The following KCND3 variants were observed in gnomAD, a reference collection of about 807,000 sequenced individuals.
The protein encoded by KCND3 is potassium voltage-gated channel subfamily D member 3.
A neutral mutation model predicts 51.1 loss-of-function variants in KCND3; 9 were observed. The observed-to-expected ratio is 0.18, with a 90% CI of 0.11 to 0.31. The LOEUF (loss-of-function observed/expected upper bound fraction) is 0.31. KCND3 is among the 10% of genes least tolerant of loss of function. The pLI is 1.00. For synonymous variants in KCND3, 349 were observed against 368.0 expected (o/e 0.95, Z 0.59); for missense variants, 526 against 903.8 (o/e 0.58, Z 5.36).
intron 2 of KCND3, among the ~76,000 whole-genome samples, chr1:111,925,079 G>T (rs1042533797): frequency 6.6e-6 from 1 of 152,182 alleles, no homozygotes; most frequent in East Asian, 1.9e-4. Context: ...GACCTCTGTG[G>T]TCAGCTGACT....
chr1:111,910,812 C>G (rs756554333), intron 2 of KCND3: 2 of 152,128 alleles, frequency 1.3e-5, no homozygotes, highest in African/African-American at 4.8e-5. Flanking sequence ...GGTCATTTAC[C>G]CAGGCCGAGC....
Position 111,775,818 on chromosome 1 carries a change from G to GCCCCCCCC in KCND3, c.*258_*259insGGGGGGGG. 2.0e-5 allele frequency: 2 copies of GCCCCCCCC among 99,728 alleles called. No individual in the cohort carries two copies. Among genetic ancestry groups the GCCCCCCCC allele is most frequent in the South Asian group, 1.2e-4 (1 of 8,076 alleles). 6.2% of individuals were successfully genotyped at this position (99,728 alleles called of 1,614,324 possible). On this transcript the variant is annotated 3_prime_UTR_variant, in exon 8 of 8. Coordinates refer to ENST00000302127, the MANE Select transcript of KCND3 (RefSeq NM_001378969.1). ...AGCCTATATCCCCCGGCCTATCCCC[G>GCCCCCCCC]ACCCCCCCACCCTCCCTCCCTTCCT...
chr1:111,950,515 C>T (rs1673009480), intron 2 of KCND3, among the ~76,000 whole-genome samples: 1 of 152,212 alleles, frequency 6.6e-6, no homozygotes, highest in African/African-American at 2.4e-5. Flanking sequence ...CCAGCAGGTG[C>T]TATAAAAATT....
chr1:111,973,703 G>T (rs923962391), intron 2 of KCND3, among the ~76,000 whole-genome samples: 1 of 152,258 alleles, frequency 6.6e-6, no homozygotes, highest in Non-Finnish European at 1.5e-5. Flanking sequence ...GTGTCAGGGA[G>T]CTGAATCCCA....
At chr1:111,801,024 C>T (rs138457793) in intron 2 of KCND3, among the ~76,000 whole-genome samples, 1 of 152,194 alleles carries the variant, frequency 6.6e-6, no homozygotes, top group African/African-American at 2.4e-5. Context: ...GTCCCTCAGG[C>T]CTGTACCCTG....
chr1:111,858,880 G>GCCTCA (rs1398514753), intron 2 of KCND3, among the ~76,000 whole-genome samples: 1 of 152,224 alleles, frequency 6.6e-6, no homozygotes, highest in Non-Finnish European at 1.5e-5. Flanking sequence ...GGACACTCCT[G>GCCTCA]CCTCAGGGCC....
intron 2 of KCND3, among the ~76,000 whole-genome samples, chr1:111,875,488 A>G: frequency 6.6e-6 from 1 of 152,216 alleles, no homozygotes; most frequent in East Asian, 1.9e-4. Context: ...ATTTCTATAC[A>G]AACCAAAGAG....
At chr1:111,909,595 G>C (rs968550447) in intron 2 of KCND3, 2 of 152,154 alleles carry the variant, frequency 1.3e-5, no homozygotes, top group African/African-American at 4.8e-5. Flanking sequence ...TGCCGAGAAG[G>C]GCCAAAGATT....
intron 2 of KCND3, among the ~76,000 whole-genome samples, chr1:111,945,830 C>T (rs1202798340): frequency 6.6e-6 from 1 of 152,222 alleles, no homozygotes; most frequent in Non-Finnish European, 1.5e-5. Context: ...TTAGGGTCCT[C>T]TGAGGTCTTG....
At chr1:111,929,684 C>T (rs1322296961) in intron 2 of KCND3, among the ~76,000 whole-genome samples, 1 of 152,206 alleles carries the variant, frequency 6.6e-6, no homozygotes, top group African/African-American at 2.4e-5. Context: ...GACTGCCTCT[C>T]CCATCCTGCT....
At chr1:111,925,073 T>C (rs949408387) in intron 2 of KCND3, among the ~76,000 whole-genome samples, 1 of 152,200 alleles carries the variant, frequency 6.6e-6, no homozygotes, top group Non-Finnish European at 1.5e-5. Flanking sequence ...CCCTTTGACC[T>C]CTGTGGTCAG....
chr1:111,855,465 C>A (rs1668022037), intron 2 of KCND3, among the ~76,000 whole-genome samples: 1 of 152,190 alleles, frequency 6.6e-6, no homozygotes, highest in Non-Finnish European at 1.5e-5. Context: ...CATGATGGTC[C>A]TTGAGCTGAG....
At chr1:111,936,069 A>T (rs999643332) in intron 2 of KCND3, among the ~76,000 whole-genome samples, 1 of 152,246 alleles carries the variant, frequency 6.6e-6, no homozygotes, top group Admixed American at 6.5e-5. Flanking sequence ...TGTAGTTTCC[A>T]TGAATTTGCT....
At chr1:111,888,874 G>A (rs533686820) in intron 2 of KCND3, among the ~76,000 whole-genome samples, 138 of 152,080 alleles carry the variant, frequency 9.1e-4, no homozygotes, top group African/African-American at 3.1e-3. Context: ...CTTTGGTGAG[G>A]AGAGGCTGCA....
In KCND3 at chr1:111,780,602, T is replaced by A; in HGVS notation, c.1371+88A>T. On this transcript the variant is annotated intron_variant, in intron 4 of 7. Transcript: ENST00000302127. This position sits in a 1 kb window ranked among gnomAD's most constrained non-coding sequence, Gnocchi z 4.2. The stretch of plus-strand genomic sequence containing the variant: ...TCCTCCTTGGGGTTCATACTGGGGC[T>A]CTGGTGAGAGTGCTGGTGTCCCGGG... 8.5e-7 allele frequency: 1 copy of A among 1,174,608 alleles called. No homozygotes were observed. Among genetic ancestry groups the A allele is most frequent in the Non-Finnish European group, 1.2e-6 (1 of 803,616 alleles). 72.8% of individuals were successfully genotyped at this position (1,174,608 alleles called of 1,614,324 possible).
intron 2 of KCND3, among the ~76,000 whole-genome samples, chr1:111,932,718 C>T (rs1047116622): frequency 5.3e-5 from 8 of 152,196 alleles, no homozygotes; most frequent in African/African-American, 1.2e-4. Context: ...GCAACAACTC[C>T]GTGCTACTGA....
intron 2 of KCND3, among the ~76,000 whole-genome samples, chr1:111,795,680 A>T (rs1665025078): frequency 6.6e-6 from 1 of 152,224 alleles, no homozygotes; most frequent in Admixed American, 6.5e-5. Flanking sequence ...AGAACGATTT[A>T]TAATCCTTTG....
intron 3 of KCND3, 60 bp downstream of exon 3, chr1:111,786,884 C>G: frequency 1.2e-6 from 2 of 1,601,798 alleles, no homozygotes; most frequent in East Asian, 2.2e-5. Flanking sequence ...TCCTGGCTCC[C>G]TGACTGGTGC....
chr1:111,877,957 T>C (rs970951102), intron 2 of KCND3, among the ~76,000 whole-genome samples: 1 of 152,224 alleles, frequency 6.6e-6, no homozygotes, highest in Admixed American at 6.5e-5. Flanking sequence ...TCATATATAT[T>C]AACTCATCTA....
Sources: allele counts gnomAD v4.1 joint callset (sites outside exome capture counted in the v4.1 genomes callset), GRCh38; gene constraint gnomAD v4.1.1; non-coding constraint Gnocchi (gnomAD v3.1); transcripts MANE v1.5; gene names NCBI Gene and HGNC (gene_info 2026-07-23, HGNC 2026-07-21).